Variants in LHPP observed in about 807,000 individuals in gnomAD.
LHPP encodes hLHPP.
A neutral mutation model predicts 30.3 loss-of-function variants in LHPP; 24 were observed. The ratio of observed to expected loss-of-function variants is 0.79; its 90% CI spans 0.57 to 1.11. LHPP has a LOEUF of 1.11. Ranked by LOEUF, LHPP falls within the 50% of genes most tolerant of loss-of-function variation. The pLI is 0.00. For synonymous variants in LHPP, 150 were observed against 157.1 expected (o/e 0.95, Z 0.34); for missense variants, 356 against 367.2 (o/e 0.97, Z 0.25).
intron 6 of LHPP, among the ~76,000 whole-genome samples, chr10:124,544,748 C>T (rs1748222360): frequency 6.6e-6 from 1 of 152,182 alleles, no homozygotes; most frequent in Non-Finnish European, 1.5e-5. Context: ...GAGAAGGCTG[C>T]CCCCGTCACG....
chr10:124,513,357 G>A (rs12569933), intron 5 of LHPP, among the ~76,000 whole-genome samples: 1 of 151,586 alleles, frequency 6.6e-6, no homozygotes, highest in Admixed American at 6.6e-5. Flanking sequence ...ACTGCGCCCA[G>A]CTTTTAATCA....
At chr10:124,543,736 T>C (rs1187271467) in intron 6 of LHPP, among the ~76,000 whole-genome samples, 3 of 105,838 alleles carry the variant, frequency 2.8e-5, no homozygotes, top group Middle Eastern at 4.1e-3. Flanking sequence ...AGTTTGTACA[T>C]TTTTTATGGC....
rs1953409572 is a variant in LHPP, at chr10:124,488,488, G to A, written c.380G>A (p.Gly127Glu). Residue 127 changes from glycine to glutamate, a missense_variant, in exon 3 of 7, where the codon GGA (glycine) becomes GAA (glutamate). Physicochemically the swap from Gly to Glu is moderately conservative, Grantham distance 98 (BLOSUM62 -2). Coordinates refer to ENST00000368842, the MANE Select transcript of LHPP (RefSeq NM_022126.4). ...NPNCVVIADA[G>E]ESFSYQNMNN... is the part of the protein sequence containing the mutation. ...AACTGTGTGGTAATTGCAGACGCAG[G>A]AGAAAGCTTTTCTTATCAAAACATG... 1.2e-6 allele frequency: 2 copies of A among 1,614,030 alleles called. No individual in the cohort carries two copies. The highest frequency in any genetic ancestry group is 1.1e-5 in the South Asian group (1 of 91,070).
intron 6 of LHPP, among the ~76,000 whole-genome samples, chr10:124,556,352 C>T (rs2133965654): frequency 6.6e-6 from 1 of 152,354 alleles, no homozygotes; most frequent in Non-Finnish European, 1.5e-5. Flanking sequence ...ACCGTGCATT[C>T]TCCGGGGCCA....
At position 124,517,447 on chromosome 10, in the gene LHPP, A is replaced by G; in HGVS notation, c.716+176A>G. On this transcript the variant is annotated intron_variant, in intron 6 of 6. Coordinates refer to ENST00000368842, the MANE Select transcript of LHPP (RefSeq NM_022126.4). This position sits in a 1 kb window ranked among gnomAD's most constrained non-coding sequence, Gnocchi z 4.1. ...AGAACAGGGCTGAGTGGTCTTTTAT[A>G]GCAGACAGTGATAAAGTAGAGTGGC... 1 of 430,020 alleles carries G rather than the reference A, an allele frequency of 2.3e-6. No homozygotes were observed. The highest frequency in any genetic ancestry group is 4.1e-6 in the Non-Finnish European group (1 of 242,260). 26.6% of individuals were successfully genotyped at this position (430,020 alleles called of 1,614,324 possible).
chr10:124,548,266 C>T (rs1442287805), intron 6 of LHPP, among the ~76,000 whole-genome samples: 3 of 152,216 alleles, frequency 2.0e-5, no homozygotes, highest in South Asian at 2.1e-4. Context: ...CTCCTGTGAA[C>T]GCCATCCTCT....
intron 6 of LHPP, among the ~76,000 whole-genome samples, chr10:124,564,493 A>T (rs1241662988): frequency 2.6e-5 from 4 of 151,706 alleles, no homozygotes; most frequent in African/African-American, 9.7e-5. Flanking sequence ...GGCTCAAGTG[A>T]TCCTCCCACT....
chr10:124,577,808 T>C (rs990295701), intron 6 of LHPP, among the ~76,000 whole-genome samples: 17 of 127,544 alleles, frequency 1.3e-4, no homozygotes, highest in African/African-American at 4.5e-4. Context: ...TCTGGCAGCA[T>C]TGGGACTTGA....
intron 6 of LHPP, among the ~76,000 whole-genome samples, chr10:124,535,970 C>T (rs1046313057): frequency 3.3e-5 from 5 of 152,280 alleles, no homozygotes; most frequent in Admixed American, 3.3e-4. Flanking sequence ...GCTCTCATCT[C>T]TTCCGGGGTC....
chr10:124,586,661 G>A (rs150115425), intron 6 of LHPP, among the ~76,000 whole-genome samples: 1 of 152,334 alleles, frequency 6.6e-6, no homozygotes, highest in Non-Finnish European at 1.5e-5. Context: ...AAGGTGGACC[G>A]AGAGGAGACG....
chr10:124,504,059 G>A (rs914050429), intron 5 of LHPP, among the ~76,000 whole-genome samples: 4 of 152,090 alleles, frequency 2.6e-5, no homozygotes, highest in African/African-American at 7.2e-5. Flanking sequence ...GGGCCTGGCA[G>A]CAGGTGCCTG....
chr10:124,513,963 A>G (rs563993174), intron 5 of LHPP, among the ~76,000 whole-genome samples: 3 of 152,302 alleles, frequency 2.0e-5, no homozygotes, highest in East Asian at 1.9e-4. Flanking sequence ...GTGTGTCCAG[A>G]CACAGCCAGC....
intron 6 of LHPP, among the ~76,000 whole-genome samples, chr10:124,519,798 A>G (rs1954561182): frequency 1.3e-5 from 2 of 151,810 alleles, no homozygotes; most frequent in South Asian, 2.1e-4. Flanking sequence ...GTAGTATTCC[A>G]TGGTGTATAT....
rs143922164 is a variant in LHPP at position 124,592,729 on chromosome 10, T to C, written c.717-20535T>C. On this transcript the variant is annotated intron_variant, in intron 6 of 6. Coordinates refer to ENST00000368842, the MANE Select transcript of LHPP (RefSeq NM_022126.4). The surrounding 1 kb of genome is among the most constrained non-coding windows in gnomAD (Gnocchi z 6.2). ...AGTAAACGGTGGGACAGGACCAGGG[T>C]CTGAGGAAAAGCAAAGCAGTGTTGA... is the stretch of plus-strand genomic sequence containing the variant. 1.1e-3 allele frequency among the ~76,000 whole-genome samples: 162 copies of C among 152,152 alleles called. No individual in the cohort carries two copies. The highest frequency in any genetic ancestry group is 3.4e-3 in the Middle Eastern group (1 of 294).
chr10:124,506,671 T>G (rs117658788), intron 5 of LHPP, among the ~76,000 whole-genome samples: 3,596 of 46,356 alleles, frequency 0.078, 43 homozygotes, highest in South Asian at 0.14. Flanking sequence ...GATTTCAGGT[T>G]GGGGGGTAGG....
At chr10:124,544,820 C>T (rs1184466132) in intron 6 of LHPP, among the ~76,000 whole-genome samples, 1 of 152,230 alleles carries the variant, frequency 6.6e-6, no homozygotes, top group Non-Finnish European at 1.5e-5. Context: ...CAGGCCTGCT[C>T]AGGGCGTGGC....
intron 6 of LHPP, among the ~76,000 whole-genome samples, chr10:124,580,709 CTTTTT>C (rs778114381): frequency 1.8e-5 from 2 of 109,658 alleles, no homozygotes; most frequent in Admixed American, 9.0e-5. Flanking sequence ...AGAACATTTT[CTTTTT>C]TTTTTTCTTT....
rs920949699 is a variant in LHPP at position 124,499,701 on chromosome 10, C to T, written c.624+1573C>T. 1.8e-4 allele frequency among the ~76,000 whole-genome samples: 27 copies of T among 151,898 alleles called. 1 individual carries two copies. Among genetic ancestry groups the T allele is most frequent in the African/African-American group, 6.6e-4 (27 of 41,168 alleles). ...AGAGTCCACAGCTGCCCCAGGCTGT[C>T]CTGCTGCCTCCTCAGAAGTGGGCAG... On this transcript the variant is annotated intron_variant, in intron 5 of 6. Transcript: ENST00000368842.
chr10:124,525,889 C>T lies in LHPP; in HGVS notation c.716+8618C>T, dbSNP rs535033480. The stretch of plus-strand genomic sequence containing the variant: ...TGAACCCCCCTGCTGGGCTTGGTGC[C>T]GCCTGTGGGAAAACCGGTGGGCTGA... On this transcript the variant is annotated intron_variant, in intron 6 of 6. Coordinates refer to ENST00000368842, the MANE Select transcript of LHPP (RefSeq NM_022126.4). Among the ~76,000 whole-genome samples the T allele has an allele frequency of 5.9e-5, 9 of 152,278 alleles. No homozygotes were observed. In the East Asian group the frequency reaches 9.6e-4, roughly 16 times the overall value.
Sources: gnomAD v4.1 joint callset for allele counts (sites outside exome capture counted in the v4.1 genomes callset) on GRCh38, gnomAD v4.1.1 for gene constraint, Gnocchi (gnomAD v3.1) non-coding constraint, MANE v1.5 for transcripts, NCBI Gene and HGNC (gene_info 2026-07-23, HGNC 2026-07-21) for gene names.